MTFR1: variants seen among roughly 807,000 people sequenced by gnomAD.
MTFR1 encodes chondrocyte protein with a poly-proline region.
MTFR1 carries 28 observed loss-of-function variants against 38.8 expected under a neutral mutation model. That is an observed-to-expected ratio of 0.72 (90% CI 0.53 to 0.99). MTFR1 has a LOEUF of 0.99. MTFR1 is among the 50% of genes least tolerant of loss of function. MTFR1 has a pLI of 0.00. For missense variants in MTFR1, 358 were observed against 395.5 expected (o/e 0.91, Z 0.81); for synonymous variants, 145 against 137.0 (o/e 1.06, Z -0.41).
chr8:65,757,909 A>G lies in MTFR1; in HGVS notation c.*49-13038A>G, dbSNP rs563913245. 3.3e-5 allele frequency among the ~76,000 whole-genome samples: 5 copies of G among 152,174 alleles called. 1 individual carries two copies. Among genetic ancestry groups the G allele is most frequent in the Non-Finnish European group, 2.9e-5 (2 of 67,994 alleles). The stretch of plus-strand genomic sequence containing the variant: ...TGGGATTACAGGTGTGAGCCACCAC[A>G]CCCAGCCAACTCCAAGACTTTTAAT... On this transcript the variant is annotated intron_variant, in intron 3 of 3. Coordinates refer to the MTFR1 transcript ENST00000521247.
intron 4 of MTFR1, among the ~76,000 whole-genome samples, chr8:65,696,129 G>T (rs531053630): frequency 3.6e-4 from 55 of 152,250 alleles, no homozygotes; most frequent in African/African-American, 1.2e-3. Flanking sequence ...TTTTCAGTTG[G>T]AAGATTATCA....
chr8:65,719,264 G>A (rs1336216891), intron 2 of MTFR1: 1 of 1,527,922 alleles, frequency 6.5e-7, no homozygotes, highest in Non-Finnish European at 9.1e-7. Context: ...CCTCCAGGAG[G>A]CAGTTTGTCC....
intron 1 of MTFR1, among the ~76,000 whole-genome samples, chr8:65,645,732 T>C (rs1393659210): frequency 2.1e-5 from 3 of 142,438 alleles, no homozygotes; most frequent in Non-Finnish European, 3.0e-5. Context: ...TCTCCTTATG[T>C]TGCTCAGGCT....
rs1286221132 is a variant in MTFR1, at chr8:65,674,907, G to A, written c.66+4889G>A. ...GTTACCTAAGTAGTAGAACTATAATGTGAACCCAATTCTGATTCCAAAATC... is the reference window on the plus strand; with the variant it reads ...GTTACCTAAGTAGTAGAACTATAATATGAACCCAATTCTGATTCCAAAATC... On this transcript the variant is annotated intron_variant, in intron 2 of 7. Transcript: ENST00000262146. 2.0e-5 allele frequency among the ~76,000 whole-genome samples: 3 copies of A among 152,134 alleles called. No homozygotes were observed. In the East Asian group the frequency reaches 5.8e-4, roughly 29 times the overall value.
At chr8:65,654,783 G>A (rs750582896) in intron 1 of MTFR1, among the ~76,000 whole-genome samples, 1 of 152,030 alleles carries the variant, frequency 6.6e-6, no homozygotes, top group African/African-American at 2.4e-5. Context: ...TTGTTATGTT[G>A]CCCAGGGTGG....
Position 65,707,056 on chromosome 8 carries a change from ACCTCCC to A in MTFR1, c.567_572del (p.Pro192_Pro193del). The stretch of plus-strand genomic sequence containing the variant: ...TTGGTACCATACCACCACACCCTCC[ACCTCCC>A]CCACCGCCCCTGCCTCCCCCTGCAC... On this transcript the variant is annotated inframe_deletion, in exon 6 of 8. Coordinates refer to ENST00000262146, the MANE Select transcript of MTFR1 (RefSeq NM_014637.4). 6.4e-7 allele frequency: 1 copy of A among 1,574,366 alleles called. No homozygotes were observed. Among genetic ancestry groups the A allele is most frequent in the South Asian group, 1.1e-5 (1 of 89,982 alleles).
chr8:65,768,632 A>C (rs1194540679), intron 3 of MTFR1, among the ~76,000 whole-genome samples: 1 of 152,194 alleles, frequency 6.6e-6, no homozygotes, highest in African/African-American at 2.4e-5. Context: ...ACAAATTCTT[A>C]CTGATACTTG....
intron 3 of MTFR1, among the ~76,000 whole-genome samples, chr8:65,692,892 C>CT (rs569732080): frequency 0.036 from 4,757 of 133,156 alleles, 98 homozygotes; most frequent in Non-Finnish European, 0.052. Context: ...TTTGCTTGTT[C>CT]TTTTTTTTTT....
chr8:65,696,877 T>G (rs1253797789), intron 4 of MTFR1, among the ~76,000 whole-genome samples: 2 of 151,792 alleles, frequency 1.3e-5, no homozygotes, highest in African/African-American at 2.4e-5. Flanking sequence ...GCCAGGCTGG[T>G]CTTGAACTCC....
intron 3 of MTFR1, among the ~76,000 whole-genome samples, chr8:65,757,188 G>T (rs1033728259): frequency 2.0e-5 from 3 of 152,210 alleles, no homozygotes; most frequent in Admixed American, 6.5e-5. Flanking sequence ...AGACATTAGA[G>T]TCCTGCCTTG....
chr8:65,770,757 C>G (rs1809044182), intron 3 of MTFR1, among the ~76,000 whole-genome samples: 1 of 152,196 alleles, frequency 6.6e-6, no homozygotes, highest in South Asian at 2.1e-4. Context: ...AAAGGTGATA[C>G]ATATTACCAA....
intron 1 of MTFR1, among the ~76,000 whole-genome samples, chr8:65,667,253 G>A (rs1229617523): frequency 1.3e-5 from 2 of 150,402 alleles, no homozygotes; most frequent in Non-Finnish European, 2.9e-5. Context: ...TCCAGCCTGG[G>A]TGACAAGAGT....
At chr8:65,701,072 T>C (rs1252781902) in intron 4 of MTFR1, among the ~76,000 whole-genome samples, 1 of 152,230 alleles carries the variant, frequency 6.6e-6, no homozygotes. Flanking sequence ...GAACAGCTGA[T>C]CAGAGACTTA....
chr8:65,742,074 CAA>C (rs931971722), intron 3 of MTFR1, among the ~76,000 whole-genome samples: 1 of 152,108 alleles, frequency 6.6e-6, no homozygotes, highest in Non-Finnish European at 1.5e-5. Context: ...TATTTCAAAA[CAA>C]GAGATGCTCA....
chr8:65,735,092 T>C (rs1213807819), intron 3 of MTFR1, among the ~76,000 whole-genome samples: 2 of 152,162 alleles, frequency 1.3e-5, no homozygotes, highest in African/African-American at 4.8e-5. Flanking sequence ...CTCTCTATGC[T>C]ATCATGGACG....
intron 3 of MTFR1, among the ~76,000 whole-genome samples, chr8:65,689,414 TTTAAA>T (rs1162200752): frequency 3.9e-5 from 6 of 152,214 alleles, no homozygotes; most frequent in Non-Finnish European, 8.8e-5. Context: ...ATCAGAATAT[TTTAAA>T]TTAAAGTTGC....
intron 4 of MTFR1, among the ~76,000 whole-genome samples, chr8:65,701,818 T>C (rs1411427411): frequency 6.6e-6 from 1 of 152,084 alleles, no homozygotes; most frequent in African/African-American, 2.4e-5. Flanking sequence ...TAGGAAATAC[T>C]TAACAAGCAA....
At chr8:65,696,939 G>A (rs528605959) in intron 4 of MTFR1, among the ~76,000 whole-genome samples, 1 of 146,242 alleles carries the variant, frequency 6.8e-6, no homozygotes, top group East Asian at 2.1e-4. Context: ...GGGATTACAA[G>A]TGTGAGCCAC....
At position 65,708,958 on chromosome 8, in the gene MTFR1, C is replaced by T. The variant is rs757015755; in HGVS notation, c.934-18C>T. ...ACTTGAACCAATATCTTTATTTATACTTTTTGTTTGTTTCTAGTTTGGGCC... is the reference window on the plus strand; with the variant it reads ...ACTTGAACCAATATCTTTATTTATATTTTTTGTTTGTTTCTAGTTTGGGCC... On this transcript the variant is annotated intron_variant, in intron 7 of 7. Transcript: ENST00000262146. The T allele has an allele frequency of 5.0e-6, 8 of 1,612,086 alleles. No homozygotes were observed. The highest frequency in any genetic ancestry group is 5.1e-6 in the Non-Finnish European group (6 of 1,178,278).
Sources: allele counts gnomAD v4.1 joint callset (sites outside exome capture counted in the v4.1 genomes callset), GRCh38; gene constraint gnomAD v4.1.1; transcripts MANE v1.5; gene names NCBI Gene and HGNC (gene_info 2026-07-23, HGNC 2026-07-21).